Variants in MTOR observed in about 807,000 individuals in gnomAD.
MTOR encodes the protein serine/threonine-protein kinase mTOR.
MTOR carries 70 observed loss-of-function variants against 319.8 expected under a neutral mutation model. The ratio of observed to expected loss-of-function variants is 0.22; its 90% CI spans 0.18 to 0.27. The LOEUF (loss-of-function observed/expected upper bound fraction) is 0.27. MTOR is among the 10% of genes least tolerant of loss of function. MTOR has a pLI of 1.00. For synonymous variants in MTOR, 1,183 were observed against 1,211.4 expected (o/e 0.98, Z 0.49); for missense variants, 1,890 against 3,274.4 (o/e 0.58, Z 10.32).
At chr1:11,114,275 G>C in intron 53 of MTOR, 43 bp downstream of exon 53, 1 of 1,608,056 alleles carries the variant, frequency 6.2e-7, no homozygotes, top group East Asian at 2.2e-5. Context: ...GATTACAGGT[G>C]TGAGCCACTG....
chr1:11,130,641 G>A lies in MTOR; in HGVS notation c.5501C>T (p.Thr1834Met), dbSNP rs142403193. 1,223 of 1,611,638 alleles carry A rather than the reference G, an allele frequency of 7.6e-4. 1 individual carries two copies. Among genetic ancestry groups the A allele is most frequent in the Non-Finnish European group, 9.9e-4 (1,162 of 1,178,480 alleles). ...NITNATTAAT[T>M]AATATTTAST... ...GGCAGTGGTGGTGGCAGTGGCGGCC[G>A]TGGTGGCGGCAGTGGTGGCGTTGGT... The change falls in exon 39 of 58, where the codon ACG becomes ATG. Residue 1834 changes from threonine to methionine, a missense_variant. Around this residue, in one of 15 missense-constraint regions of MTOR, gnomAD observed 91 missense variants for 90.4 expected, o/e 1.01. Transcript: ENST00000361445.
intron 1 of MTOR, among the ~76,000 whole-genome samples, chr1:11,261,391 G>C (rs1473389127): frequency 6.6e-6 from 1 of 151,792 alleles, no homozygotes; most frequent in Non-Finnish European, 1.5e-5. Flanking sequence ...AGAATGGCGG[G>C]AACCCGGGAG....
At chr1:11,153,072 T>C (rs935572765) in intron 30 of MTOR, among the ~76,000 whole-genome samples, 3 of 152,140 alleles carry the variant, frequency 2.0e-5, no homozygotes, top group Non-Finnish European at 4.4e-5. Flanking sequence ...TCTTCAACTA[T>C]AACACAAAGG....
intron 32 of MTOR, 99 bp from the exon 33 acceptor site, chr1:11,145,144 A>G: frequency 9.9e-7 from 1 of 1,013,104 alleles, no homozygotes; most frequent in Non-Finnish European, 1.5e-6. Context: ...TGTCTCACTT[A>G]AATTCCAGGG....
rs1353328944 is a variant in MTOR at position 11,241,612 on chromosome 1, C to T, written c.1482G>A (p.Gly494=). 1 of 1,614,080 alleles carries T rather than the reference C, an allele frequency of 6.2e-7. No homozygotes were observed. The highest frequency in any genetic ancestry group is 1.1e-5 in the South Asian group (1 of 91,074). ...TCISMLARAM[G]PGIQQDIKEL... is the part of the protein sequence containing the mutation. ...CCTTGATATCCTGCTGGATGCCTGG[C>T]CCCATTGCTCGAGCCAGCATGCTGA... The change falls in exon 10 of 58, where the codon GGG becomes GGA. Residue 494 remains glycine, a synonymous_variant. Transcript: ENST00000361445.
At chr1:11,202,529 G>A (rs2100757649) in intron 26 of MTOR, among the ~76,000 whole-genome samples, 1 of 151,776 alleles carries the variant, frequency 6.6e-6, no homozygotes, top group African/African-American at 2.4e-5. Context: ...TTATTCAGGT[G>A]ATGGTTCTAC....
At chr1:11,215,465 G>A (rs1196721495) in intron 20 of MTOR, among the ~76,000 whole-genome samples, 1 of 152,124 alleles carries the variant, frequency 6.6e-6, no homozygotes, top group Non-Finnish European at 1.5e-5. Flanking sequence ...TTTGATTTTA[G>A]TCCAAACTAA....
chr1:11,163,490 GCAC>G (rs2100593144), intron 29 of MTOR, among the ~76,000 whole-genome samples: 1 of 152,314 alleles, frequency 6.6e-6, no homozygotes, highest in Admixed American at 6.5e-5. Flanking sequence ...ATTCTTCTCA[GCAC>G]CACATCGCAC....
At chr1:11,140,983 GAAAA>G (rs56098089) in intron 34 of MTOR, among the ~76,000 whole-genome samples, 301 of 129,838 alleles carry the variant, frequency 2.3e-3, no homozygotes, top group African/African-American at 9.1e-3. Context: ...TAAGACTTCT[GAAAA>G]AAAAAAAAAA....
rs775274541 is a variant in MTOR at position 11,107,059 on chromosome 1, A to G, written c.*426T>C. On this transcript the variant is annotated 3_prime_UTR_variant, in exon 58 of 58. Transcript: ENST00000361445. ...TCTTTACAGTCTAGGATCCTAATCC[A>G]TGTTCTCCACGACCTGAGGCTTCTT... 4.4e-6 allele frequency: 6 copies of G among 1,372,134 alleles called. No individual in the cohort carries two copies. The highest frequency in any genetic ancestry group is 2.4e-5 in the South Asian group (2 of 81,740). The allele number at this position is 1,372,134 out of a possible 1,614,324, so 85.0% of individuals were successfully genotyped here. A position where few individuals can be genotyped will look rare whatever the true frequency, so the allele number is the denominator to read the frequency against.
At chr1:11,211,252 G>C (rs1212417416) in intron 23 of MTOR, among the ~76,000 whole-genome samples, 1 of 152,204 alleles carries the variant, frequency 6.6e-6, no homozygotes, top group East Asian at 1.9e-4. Flanking sequence ...CAGAGTAAAA[G>C]CCAAAGTACT....
At chr1:11,201,484 A>G (rs1645966746) in intron 26 of MTOR, among the ~76,000 whole-genome samples, 1 of 152,236 alleles carries the variant, frequency 6.6e-6, no homozygotes, top group Non-Finnish European at 1.5e-5. Flanking sequence ...TATATATCAT[A>G]ACAGCAAACC....
Position 11,240,337 on chromosome 1 carries a change from A to T in MTOR, c.1752T>A (p.Leu584=). 1 of 1,598,694 alleles carries T rather than the reference A, an allele frequency of 6.3e-7. No homozygotes were observed. The highest frequency in any genetic ancestry group is 8.5e-7 in the Non-Finnish European group (1 of 1,171,562). ...PEASDVGSIT[L]ALRTLGSFEF... Reference sequence around the variant, plus strand: ...CAAAGCTGCCAAGCGTTCGGAGGGCAAGAGTGATGCTGCCCACATCGCTGG... The same window carrying T: ...CAAAGCTGCCAAGCGTTCGGAGGGCTAGAGTGATGCTGCCCACATCGCTGG... The change falls in exon 11 of 58, where the codon CTT becomes CTA. Residue 584 remains leucine, a synonymous_variant. Transcript: ENST00000361445.
chr1:11,250,216 G>A (rs1158236752), intron 6 of MTOR, among the ~76,000 whole-genome samples: 1 of 85,324 alleles, frequency 1.2e-5, no homozygotes, highest in Non-Finnish European at 3.1e-5. Flanking sequence ...GGCTGGCCGG[G>A]CGGGGGGCTG....
intron 47 of MTOR, among the ~76,000 whole-genome samples, chr1:11,122,667 C>A (rs910468809): frequency 6.6e-6 from 1 of 151,894 alleles, no homozygotes; most frequent in South Asian, 2.1e-4. Flanking sequence ...AACACCACAC[C>A]CGGCTAATTT....
chr1:11,189,688 C>T (rs748630470), intron 28 of MTOR: 15 of 1,614,208 alleles, frequency 9.3e-6, no homozygotes, highest in Non-Finnish European at 1.3e-5. Flanking sequence ...GACACCAGCA[C>T]AGCCACAGCT....
chr1:11,131,002 G>A, intron 38 of MTOR: 1 of 607,714 alleles, frequency 1.6e-6, no homozygotes, highest in Non-Finnish European at 2.9e-6. Flanking sequence ...TGCACTGCGA[G>A]AAGGGCACAG....
intron 25 of MTOR, among the ~76,000 whole-genome samples, chr1:11,206,664 C>T (rs1244418522): frequency 6.6e-6 from 1 of 152,166 alleles, no homozygotes; most frequent in Non-Finnish European, 1.5e-5. Context: ...CCAAGTCCCC[C>T]ATGTGGCCCT....
At position 11,154,279 on chromosome 1, in the gene MTOR, T is replaced by TTTG. The variant is rs140562940; in HGVS notation, c.4469+2870_4469+2872dup. 7.7e-3 allele frequency among the ~76,000 whole-genome samples: 1,157 copies of TTTG among 151,054 alleles called. 21 individuals are homozygous for TTTG. Among genetic ancestry groups the TTTG allele is most frequent in the African/African-American group, 0.027 (1,094 of 41,124 alleles). On this transcript the variant is annotated intron_variant, in intron 30 of 57. Transcript: ENST00000361445. ...TATTGAGGTAAATGAACATGGAATT[T>TTTG]TTGTTGTTGTTGTTGTTGCCCAGGC... is the stretch of plus-strand genomic sequence containing the variant.
Sources: allele counts gnomAD v4.1 joint callset (sites outside exome capture counted in the v4.1 genomes callset), GRCh38; gene constraint gnomAD v4.1.1; regional missense constraint gnomAD v4.1.1; transcripts MANE v1.5; gene names NCBI Gene and HGNC (gene_info 2026-07-23, HGNC 2026-07-21).